TRAK1: variants seen among roughly 807,000 people sequenced by gnomAD.
The protein encoded by TRAK1 is trafficking kinesin protein 1.
Under a neutral mutation model 92.1 loss-of-function variants are expected in TRAK1, and 33 were observed. The ratio of observed to expected loss-of-function variants is 0.36; its 90% CI spans 0.27 to 0.48. TRAK1 has a LOEUF of 0.48. TRAK1 is among the 20% of genes least tolerant of loss of function. The pLI is 0.99. For missense variants in TRAK1, 1,123 were observed against 1,257.9 expected, an observed-to-expected ratio of 0.89 and a Z score of 1.62; for synonymous variants, 521 against 517.3, an observed-to-expected ratio of 1.01 and a Z score of -0.10.
At chr3:42,083,840 A>G (rs931006074), upstream of TRAK1, among the ~76,000 whole-genome samples, 9 of 152,178 alleles carry the variant, frequency 5.9e-5, no homozygotes, top group African/African-American at 2.2e-4. Context: ...ACTGCACTCC[A>G]GCCTGGGTGA....
intron 1 of TRAK1, among the ~76,000 whole-genome samples, chr3:42,055,886 A>G (rs572400229): frequency 6.6e-6 from 1 of 151,896 alleles, no homozygotes; most frequent in African/African-American, 2.4e-5. Flanking sequence ...TTATGTTTGT[A>G]TAGACTTTCC....
chr3:42,197,386 A>G (rs1244113426), intron 10 of TRAK1, among the ~76,000 whole-genome samples: 3 of 152,190 alleles, frequency 2.0e-5, no homozygotes, highest in African/African-American at 7.2e-5. Flanking sequence ...ACCTCATACA[A>G]TGTAAATGCC....
At chr3:42,177,707 A>T (rs918299931) in intron 3 of TRAK1, among the ~76,000 whole-genome samples, 2 of 152,136 alleles carry the variant, frequency 1.3e-5, no homozygotes, top group Non-Finnish European at 2.9e-5. Context: ...TCAGACAGAA[A>T]CTGGGCCAGA....
intron 2 of TRAK1, among the ~76,000 whole-genome samples, chr3:42,172,216 C>T (rs1395939682): frequency 6.6e-6 from 1 of 152,194 alleles, no homozygotes; most frequent in Admixed American, 6.5e-5. Context: ...TTGTGGGCAG[C>T]CCTCTGCCTG....
intron 15 of TRAK1, chr3:42,220,400 T>C (rs1710224657): frequency 2.4e-6 from 2 of 830,240 alleles, no homozygotes; most frequent in Non-Finnish European, 2.9e-6. Context: ...CTCAGCTGTT[T>C]CCTCTGTGGT....
chr3:42,131,772 C>A (rs1459268669), intron 2 of TRAK1, among the ~76,000 whole-genome samples: 4 of 149,580 alleles, frequency 2.7e-5, no homozygotes, highest in Non-Finnish European at 4.5e-5. Flanking sequence ...AAAATACAAT[C>A]CTTGGCCAGG....
chr3:42,215,033 C>CA (rs1180465748), intron 14 of TRAK1, among the ~76,000 whole-genome samples: 2 of 152,178 alleles, frequency 1.3e-5, no homozygotes, highest in African/African-American at 4.8e-5. Context: ...TTGTTAAAGC[C>CA]ACATGAATCC....
chr3:42,153,726 G>A (rs1024069906), intron 2 of TRAK1, among the ~76,000 whole-genome samples: 4 of 152,204 alleles, frequency 2.6e-5, no homozygotes, highest in African/African-American at 9.7e-5. Flanking sequence ...CCAAGATGGC[G>A]GTGGCTGGTT....
At chr3:42,144,238 T>C (rs1699050579) in intron 2 of TRAK1, among the ~76,000 whole-genome samples, 2 of 149,538 alleles carry the variant, frequency 1.3e-5, no homozygotes, top group South Asian at 4.3e-4. Context: ...ACCCCCTTTT[T>C]AATTGTTCAT....
intron 2 of TRAK1, among the ~76,000 whole-genome samples, chr3:42,144,962 T>C (rs555876402): frequency 6.6e-6 from 1 of 152,344 alleles, no homozygotes; most frequent in South Asian, 2.1e-4. Flanking sequence ...AGTTTTTCTA[T>C]GTCTATTATA....
chr3:42,120,303 C>T (rs558791917), intron 1 of TRAK1, among the ~76,000 whole-genome samples: 12 of 152,236 alleles, frequency 7.9e-5, no homozygotes, highest in African/African-American at 2.6e-4. Flanking sequence ...TGATGCCCTT[C>T]ATTTGTGACT....
At chr3:42,146,632 G>C (rs1020479638) in intron 2 of TRAK1, among the ~76,000 whole-genome samples, 1 of 152,170 alleles carries the variant, frequency 6.6e-6, no homozygotes, top group Non-Finnish European at 1.5e-5. Context: ...ACATCTCACT[G>C]CAACTTTGAA....
chr3:42,210,830 G>A (rs1180617667), intron 14 of TRAK1: 2 of 985,186 alleles, frequency 2.0e-6, no homozygotes, highest in Admixed American at 6.1e-5. Context: ...TTGGAAAAGA[G>A]CTCTGGCTGA....
chr3:42,153,504 C>T (rs1700187393), intron 2 of TRAK1, among the ~76,000 whole-genome samples: 1 of 152,174 alleles, frequency 6.6e-6, no homozygotes, highest in Admixed American at 6.5e-5. Context: ...TCCATCCCCG[C>T]TCACCTCCCC....
intron 2 of TRAK1, among the ~76,000 whole-genome samples, chr3:42,168,482 A>G (rs1371708150): frequency 6.6e-6 from 1 of 152,256 alleles, no homozygotes; most frequent in Non-Finnish European, 1.5e-5. Flanking sequence ...AACCATCACC[A>G]TAATTCAGTT....
intron 1 of TRAK1, among the ~76,000 whole-genome samples, chr3:42,063,119 C>CGGTG (rs953759867): frequency 3.9e-4 from 60 of 152,350 alleles, no homozygotes; most frequent in African/African-American, 1.4e-3. Flanking sequence ...TCCATCCCAC[C>CGGTG]GCCTGCTGTT....
intron 3 of TRAK1, among the ~76,000 whole-genome samples, chr3:42,180,216 A>C (rs1407435932): frequency 6.6e-6 from 1 of 152,204 alleles, no homozygotes; most frequent in Non-Finnish European, 1.5e-5. Context: ...CATTTTATCT[A>C]TAAATATTTT....
intron 1 of TRAK1, among the ~76,000 whole-genome samples, chr3:42,081,268 G>A (rs956413826): frequency 2.0e-5 from 3 of 152,200 alleles, no homozygotes; most frequent in Non-Finnish European, 4.4e-5. Context: ...GCTGTGGTCT[G>A]CATACTTGGA....
chr3:42,092,763 G>GTTATA (rs1553713016), intron 1 of TRAK1, among the ~76,000 whole-genome samples: 22,771 of 147,626 alleles, frequency 0.15, 2,214 homozygotes, highest in South Asian at 0.23. Flanking sequence ...GTTATGTTAT[G>GTTATA]TTATGTTATT....
Sources: allele counts gnomAD v4.1 joint callset (sites outside exome capture counted in the v4.1 genomes callset), GRCh38; gene constraint gnomAD v4.1.1; transcripts MANE v1.5; gene names NCBI Gene and HGNC (gene_info 2026-07-23, HGNC 2026-07-21).